Variants in DLG2 observed in about 807,000 individuals in gnomAD.
DLG2 encodes discs large MAGUK scaffold protein 2.
A neutral mutation model predicts 132.5 loss-of-function variants in DLG2; 45 were observed. That is an observed-to-expected ratio of 0.34 (90% confidence interval 0.27 to 0.44). The LOEUF is 0.44. Ranked by LOEUF, DLG2 falls within the 20% of genes least tolerant of loss-of-function variation. The pLI, the probability that DLG2 is intolerant of heterozygous loss-of-function variation, is 1.00. For synonymous variants in DLG2, 424 were observed against 419.6 expected (o/e 1.01, Z -0.13); for missense variants, 1,045 against 1,196.9 (o/e 0.87, Z 1.87).
intron 18 of DLG2, among the ~76,000 whole-genome samples, chr11:83,652,213 G>T (rs1372026222): frequency 1.3e-5 from 2 of 152,186 alleles, no homozygotes; most frequent in Non-Finnish European, 2.9e-5. Context: ...AGATCATGCA[G>T]GAGGGTATCT....
At chr11:84,745,958 G>A (rs1022661011) in intron 6 of DLG2, among the ~76,000 whole-genome samples, 4 of 152,156 alleles carry the variant, frequency 2.6e-5, no homozygotes, top group African/African-American at 4.8e-5. Flanking sequence ...GGAATGGCTT[G>A]CTCCTCAAAA....
chr11:83,810,010 A>G (rs2046867896), intron 17 of DLG2, among the ~76,000 whole-genome samples: 1 of 152,198 alleles, frequency 6.6e-6, no homozygotes, highest in South Asian at 2.1e-4. Context: ...GCAAATAACT[A>G]TGCATAAAAA....
At chr11:84,028,436 C>G (rs2095600902) in intron 11 of DLG2, among the ~76,000 whole-genome samples, 1 of 152,036 alleles carries the variant, frequency 6.6e-6, no homozygotes, top group Admixed American at 6.6e-5. Context: ...TCACATTCAT[C>G]TCAAAGTGAA....
chr11:84,976,819 C>T (rs1297203745), intron 6 of DLG2, among the ~76,000 whole-genome samples: 1 of 152,102 alleles, frequency 6.6e-6, no homozygotes, highest in Admixed American at 6.6e-5. Context: ...AATACTCTTA[C>T]AATTTTTCTA....
At chr11:85,048,889 G>A (rs1566732176) in intron 6 of DLG2, among the ~76,000 whole-genome samples, 1 of 151,964 alleles carries the variant, frequency 6.6e-6, no homozygotes, top group Non-Finnish European at 1.5e-5. Flanking sequence ...TGAATAATGT[G>A]TTCTTACGCT....
At chr11:83,898,005 C>T (rs1294691521) in intron 15 of DLG2, among the ~76,000 whole-genome samples, 1 of 152,104 alleles carries the variant, frequency 6.6e-6, no homozygotes, top group Non-Finnish European at 1.5e-5. Flanking sequence ...AGGATTGCCC[C>T]TTAGTCTGTT....
At chr11:84,615,792 C>CA (rs1158273045) in intron 6 of DLG2, among the ~76,000 whole-genome samples, 1 of 108,686 alleles carries the variant, frequency 9.2e-6, no homozygotes, top group African/African-American at 4.1e-5. Flanking sequence ...AATCCCTACT[C>CA]AGAGAAAATT....
intron 9 of DLG2, among the ~76,000 whole-genome samples, chr11:84,101,979 A>G (rs957397231): frequency 1.3e-5 from 2 of 152,162 alleles, no homozygotes; most frequent in African/African-American, 4.8e-5. Flanking sequence ...AATGAAGTGA[A>G]CTGCAGGCTC....
chr11:83,794,215 T>C (rs1230583546), intron 17 of DLG2, among the ~76,000 whole-genome samples: 2 of 152,204 alleles, frequency 1.3e-5, no homozygotes, highest in Admixed American at 1.3e-4. Flanking sequence ...AAATATCATA[T>C]TGCCCTTGTT....
chr11:84,145,848 C>T (rs2095059234), intron 9 of DLG2, among the ~76,000 whole-genome samples: 1 of 152,166 alleles, frequency 6.6e-6, no homozygotes, highest in Non-Finnish European at 1.5e-5. Context: ...TCATCTAACT[C>T]AGCCCTTTGA....
At chr11:84,427,184 G>A (rs2098969587) in intron 7 of DLG2, among the ~76,000 whole-genome samples, 1 of 151,676 alleles carries the variant, frequency 6.6e-6, no homozygotes, top group Non-Finnish European at 1.5e-5. Flanking sequence ...ATTCTTTCTA[G>A]AACTAGGCAG....
chr11:83,753,075 AG>A (rs1351881926), intron 18 of DLG2, among the ~76,000 whole-genome samples: 1 of 152,216 alleles, frequency 6.6e-6, no homozygotes, highest in East Asian at 1.9e-4. Context: ...AGACTCAGAA[AG>A]GGTAAATATT....
At chr11:83,694,124 T>C (rs1262309925) in intron 18 of DLG2, among the ~76,000 whole-genome samples, 9 of 152,210 alleles carry the variant, frequency 5.9e-5, no homozygotes, top group African/African-American at 1.9e-4. Context: ...AGCAAAGCCG[T>C]GTCCCCAGGA....
At chr11:84,692,020 CT>C (rs965889950) in intron 6 of DLG2, among the ~76,000 whole-genome samples, 6 of 151,704 alleles carry the variant, frequency 4.0e-5, no homozygotes, top group African/African-American at 1.5e-4. Flanking sequence ...ACATTCAGTA[CT>C]TTTTATAGAC....
chr11:83,561,635 G>A (rs2096610784), intron 19 of DLG2, among the ~76,000 whole-genome samples: 1 of 152,194 alleles, frequency 6.6e-6, no homozygotes, highest in Admixed American at 6.5e-5. Flanking sequence ...AGTGCTGAGA[G>A]TTGTTGACAA....
chr11:83,465,981 G>A (rs1029806251), intron 26 of DLG2, among the ~76,000 whole-genome samples: 9 of 152,090 alleles, frequency 5.9e-5, no homozygotes, highest in African/African-American at 1.9e-4. Flanking sequence ...CAGTCAGATC[G>A]TGAATGTCTG....
intron 14 of DLG2, among the ~76,000 whole-genome samples, chr11:83,959,295 C>A (rs2087834625): frequency 6.6e-6 from 1 of 151,952 alleles, no homozygotes; most frequent in African/African-American, 2.4e-5. Flanking sequence ...ACATCCATAA[C>A]AAACGTGACT....
chr11:84,879,686 CATT>C (rs1435320687), intron 6 of DLG2, among the ~76,000 whole-genome samples: 2 of 152,114 alleles, frequency 1.3e-5, no homozygotes, highest in East Asian at 3.9e-4. Flanking sequence ...TGTCAATAAT[CATT>C]ATCTGTTGGT....
chr11:84,354,462 C>G (rs549468766), intron 7 of DLG2, among the ~76,000 whole-genome samples: 1 of 152,156 alleles, frequency 6.6e-6, no homozygotes, highest in African/African-American at 2.4e-5. Context: ...GAAATTGCAC[C>G]TTTTTTTCTC....
Sources: allele counts gnomAD v4.1 joint callset (sites outside exome capture counted in the v4.1 genomes callset), GRCh38; gene constraint gnomAD v4.1.1; transcripts MANE v1.5; gene names NCBI Gene and HGNC (gene_info 2026-07-23, HGNC 2026-07-21).